The following ATF7IP variants were observed in gnomAD, a reference collection of about 807,000 sequenced individuals.
The protein encoded by ATF7IP is activating transcription factor 7 interacting protein, also known as activating transcription factor 7-interacting protein 1.
ATF7IP carries 23 observed loss-of-function variants against 106.4 expected under a neutral mutation model. That is an observed-to-expected ratio of 0.22 (90% CI 0.16 to 0.31). ATF7IP has a LOEUF of 0.31. Among genes scored for constraint, ATF7IP ranks in the 10% least tolerant of loss-of-function variants. The pLI is 1.00. For missense variants in ATF7IP, 1,334 were observed against 1,524.3 expected, an observed-to-expected ratio of 0.88 and a Z score of 2.08; for synonymous variants, 542 against 539.0, an observed-to-expected ratio of 1.01 and a Z score of -0.08.
chr12:14,457,947 A>G (rs1943492811), intron 8 of ATF7IP, among the ~76,000 whole-genome samples: 1 of 151,864 alleles, frequency 6.6e-6, no homozygotes, highest in Admixed American at 6.6e-5. Context: ...TACAAAAATT[A>G]TCCAGGCATG....
intron 1 of ATF7IP, among the ~76,000 whole-genome samples, chr12:14,416,310 CAAAT>C (rs1565492089): frequency 6.6e-6 from 1 of 151,914 alleles, no homozygotes; most frequent in African/African-American, 2.4e-5. Context: ...AAAATAAACT[CAAAT>C]TAAAATTATT....
chr12:14,488,006 T>C (rs981813760), intron 13 of ATF7IP, among the ~76,000 whole-genome samples: 3 of 152,140 alleles, frequency 2.0e-5, no homozygotes, highest in Non-Finnish European at 4.4e-5. Context: ...ACTATCAGTG[T>C]TCTTTATACT....
chr12:14,494,586 A>G (rs1944950349), intron 13 of ATF7IP, among the ~76,000 whole-genome samples: 2 of 148,348 alleles, frequency 1.3e-5, no homozygotes, highest in South Asian at 4.2e-4. Context: ...TATATAGTGA[A>G]TGTTTATATA....
chr12:14,412,207 C>A (rs1810555941), intron 1 of ATF7IP, among the ~76,000 whole-genome samples: 1 of 152,104 alleles, frequency 6.6e-6, no homozygotes. Context: ...TTTAAAAATG[C>A]AAAGTATGAG....
intron 1 of ATF7IP, among the ~76,000 whole-genome samples, chr12:14,416,135 G>C (rs764007595): frequency 4.6e-5 from 7 of 152,042 alleles, no homozygotes; most frequent in Non-Finnish European, 7.4e-5. Context: ...TATTTTTAGA[G>C]TATTGCAAAT....
chr12:14,490,324 T>A (rs1375066911), intron 13 of ATF7IP, among the ~76,000 whole-genome samples: 2 of 152,246 alleles, frequency 1.3e-5, no homozygotes, highest in Non-Finnish European at 2.9e-5. Context: ...TTCACAGTTT[T>A]TGACCACTTA....
chr12:14,401,047 C>T (rs1940162456), intron 1 of ATF7IP, among the ~76,000 whole-genome samples: 1 of 151,970 alleles, frequency 6.6e-6, no homozygotes, highest in Non-Finnish European at 1.5e-5. Context: ...AAGTATTTCT[C>T]CTAACTTGTG....
intron 1 of ATF7IP, among the ~76,000 whole-genome samples, chr12:14,421,627 C>T (rs1046547330): frequency 6.6e-5 from 10 of 152,120 alleles, no homozygotes; most frequent in Non-Finnish European, 1.2e-4. Context: ...CTTATATTAC[C>T]TTGATTACCA....
intron 5 of ATF7IP, among the ~76,000 whole-genome samples, chr12:14,444,200 TA>T (rs1942846626): frequency 6.6e-6 from 1 of 152,218 alleles, no homozygotes; most frequent in Non-Finnish European, 1.5e-5. Context: ...TAGATTTAAC[TA>T]AAAATGTCTA....
At chr12:14,397,889 C>T (rs1315344690) in intron 1 of ATF7IP, among the ~76,000 whole-genome samples, 1 of 152,038 alleles carries the variant, frequency 6.6e-6, no homozygotes, top group Non-Finnish European at 1.5e-5. Flanking sequence ...GCTATTTGTT[C>T]TACAGTTTAA....
At chr12:14,489,410 T>G (rs372779398) in intron 13 of ATF7IP, among the ~76,000 whole-genome samples, 22 of 152,280 alleles carry the variant, frequency 1.4e-4, no homozygotes, top group Middle Eastern at 3.4e-3. Flanking sequence ...TCTCCTGGTG[T>G]GAGCGTTCCT....
Position 14,498,182 on chromosome 12 carries a change from G to C in ATF7IP, c.*109G>C. The stretch of plus-strand genomic sequence containing the variant: ...AATCCACCTTGTGCAAGATTTCTTG[G>C]ACAGATGTGTGTATACACTACATTT... On this transcript the variant is annotated 3_prime_UTR_variant, in exon 15 of 15. Coordinates refer to ENST00000261168, the MANE Select transcript of ATF7IP (RefSeq NM_018179.5). 1.9e-6 allele frequency: 2 copies of C among 1,070,156 alleles called. No homozygotes were observed. The highest frequency in any genetic ancestry group is 2.7e-6 in the Non-Finnish European group (2 of 741,104). The allele number at this position is 1,070,156 out of a possible 1,614,324, so 66.3% of individuals were successfully genotyped here.
chr12:14,411,492 A>G (rs937913518), intron 1 of ATF7IP, among the ~76,000 whole-genome samples: 1 of 152,142 alleles, frequency 6.6e-6, no homozygotes, highest in African/African-American at 2.4e-5. Flanking sequence ...CCTATGTAAC[A>G]AAACTGCACA....
chr12:14,440,327 T>A (rs1942637570), intron 5 of ATF7IP, among the ~76,000 whole-genome samples: 1 of 152,226 alleles, frequency 6.6e-6, no homozygotes, highest in Non-Finnish European at 1.5e-5. Flanking sequence ...TTGTACTAAT[T>A]TTTCTAAAAT....
At chr12:14,453,939 A>G (rs995924716) in intron 6 of ATF7IP, among the ~76,000 whole-genome samples, 1 of 152,074 alleles carries the variant, frequency 6.6e-6, no homozygotes, top group East Asian at 1.9e-4. Context: ...TGTCTTAATG[A>G]TAGTTATTTT....
At chr12:14,464,989 G>A (rs1385501687) in intron 9 of ATF7IP, among the ~76,000 whole-genome samples, 1 of 152,208 alleles carries the variant, frequency 6.6e-6, no homozygotes, top group Non-Finnish European at 1.5e-5. Flanking sequence ...GCTGAAGCAG[G>A]TGGATCACTT....
chr12:14,380,039 T>G (rs1938934651), intron 1 of ATF7IP, among the ~76,000 whole-genome samples: 1 of 152,160 alleles, frequency 6.6e-6, no homozygotes, highest in African/African-American at 2.4e-5. Flanking sequence ...GATACTCCAA[T>G]TGTATCTTTT....
intron 7 of ATF7IP, among the ~76,000 whole-genome samples, chr12:14,456,903 T>G (rs1943448452): frequency 6.6e-6 from 1 of 152,242 alleles, no homozygotes; most frequent in African/African-American, 2.4e-5. Context: ...TGAGAAATGC[T>G]TCTGTTAAGG....
intron 1 of ATF7IP, among the ~76,000 whole-genome samples, chr12:14,370,230 C>G (rs1038158225): frequency 6.6e-6 from 1 of 152,306 alleles, no homozygotes. Flanking sequence ...GCCACTGCGC[C>G]TGGCCTCCTA....
Sources: allele counts gnomAD v4.1 joint callset (sites outside exome capture counted in the v4.1 genomes callset), GRCh38; gene constraint gnomAD v4.1.1; transcripts MANE v1.5; gene names NCBI Gene and HGNC (gene_info 2026-07-23, HGNC 2026-07-21).